The following RAET1L variants were observed in gnomAD, a reference collection of about 807,000 sequenced individuals.
RAET1L encodes UL16-binding protein 6.
RAET1L carries 16 observed loss-of-function variants against 23.9 expected under a neutral mutation model. The observed-to-expected ratio is 0.67, with a 90% CI of 0.45 to 1.02. The LOEUF is 1.02. RAET1L is among the 50% of genes least tolerant of loss of function. The pLI is 0.00. For synonymous variants in RAET1L, 70 were observed against 111.2 expected (o/e 0.63, Z 2.33); for missense variants, 233 against 304.0 (o/e 0.77, Z 1.74).
chr6:150,019,363 G>A (rs1331684277), intron 4 of RAET1L, among the ~76,000 whole-genome samples: 3 of 152,088 alleles, frequency 2.0e-5, no homozygotes, highest in Admixed American at 1.3e-4. Flanking sequence ...AGTGGTGCCC[G>A]TGGAACCCCA....
At chr6:150,020,845 C>T in intron 3 of RAET1L, 60 bp downstream of exon 3, 4 of 1,595,770 alleles carry the variant, frequency 2.5e-6, no homozygotes, top group South Asian at 2.3e-5. Context: ...CAAGAACTAA[C>T]TTCTTGAGAT....
At chr6:150,021,543 C>T (rs951203043) in intron 2 of RAET1L, among the ~76,000 whole-genome samples, 1 of 147,480 alleles carries the variant, frequency 6.8e-6, no homozygotes, top group African/African-American at 2.5e-5. Context: ...TTGTGATCCG[C>T]CTACCTCAGC....
At chr6:150,020,482 TG>T (rs1779871703) in intron 3 of RAET1L, among the ~76,000 whole-genome samples, 2 of 151,796 alleles carry the variant, frequency 1.3e-5, no homozygotes, top group Admixed American at 1.3e-4. Flanking sequence ...CCTCCTGCTG[TG>T]GGGGAAGAGG....
At chr6:150,024,509 G>T (rs1779924024) in intron 1 of RAET1L, among the ~76,000 whole-genome samples, 1 of 151,580 alleles carries the variant, frequency 6.6e-6, no homozygotes, top group Non-Finnish European at 1.5e-5. Flanking sequence ...GCTGACCCCT[G>T]TCTACACAGT....
intron 2 of RAET1L, 32 bp from the exon 3 acceptor site, chr6:150,021,218 C>T (rs759625779): frequency 1.5e-5 from 24 of 1,586,964 alleles, no homozygotes; most frequent in Non-Finnish European, 2.0e-5. Context: ...CAGCTCTGAT[C>T]TTGACAAATT....
At chr6:150,024,572 C>T (rs142890503) in intron 1 of RAET1L, among the ~76,000 whole-genome samples, 1,990 of 151,352 alleles carry the variant, frequency 0.013, 88 homozygotes, top group Admixed American at 0.072. Flanking sequence ...CGGTCTGGGC[C>T]CCAAGGGCAG....
intron 4 of RAET1L, among the ~76,000 whole-genome samples, chr6:150,019,223 C>T (rs547826058): frequency 6.6e-6 from 1 of 152,220 alleles, no homozygotes; most frequent in African/African-American, 2.4e-5. Context: ...GTGCCCTTGG[C>T]CTTTGGTGGG....
chr6:150,021,841 C>G (rs571096803), intron 2 of RAET1L, 139 bp downstream of exon 2: 54 of 1,252,096 alleles, frequency 4.3e-5, no homozygotes, highest in Non-Finnish European at 6.0e-5. Flanking sequence ...ATCGGCCCAC[C>G]TCTACCTCAC....
In RAET1L at chr6:150,020,938, C is replaced by A; in HGVS notation, c.598G>T (p.Gly200Cys). Reference protein sequence around the residue: ...CIGWLEDFLMGMDSTLEPSAG... With the variant: ...CIGWLEDFLMCMDSTLEPSAG... ...CTTGGCTCCAGGGTGCTGTCCATGCCCATCAAGAAGTCCTCAAGCCATCCT... is the reference window on the plus strand; with the variant it reads ...CTTGGCTCCAGGGTGCTGTCCATGCACATCAAGAAGTCCTCAAGCCATCCT... Residue 200 changes from glycine to cysteine, a missense_variant, in exon 3 of 5, where the codon GGC becomes TGC. By Grantham distance (159) the Gly-to-Cys change is radical. This residue lies in a region of RAET1L where 139 missense variants were observed against 125.3 expected (regional missense o/e 1.11). Coordinates refer to ENST00000367341, the MANE Select transcript of RAET1L (RefSeq NM_130900.3). 6.2e-7 allele frequency: 1 copy of A among 1,614,112 alleles called. No individual in the cohort carries two copies. Among genetic ancestry groups the A allele is most frequent in the Non-Finnish European group, 8.5e-7 (1 of 1,180,028 alleles).
chr6:150,024,007 G>C (rs1254180557), intron 1 of RAET1L, among the ~76,000 whole-genome samples: 2 of 152,094 alleles, frequency 1.3e-5, no homozygotes, highest in African/African-American at 2.4e-5. Context: ...GGTTCTTCTG[G>C]GATGGGCAGG....
At position 150,022,074 on chromosome 6, in the gene RAET1L, C is replaced by T. The variant is rs202191913; in HGVS notation, c.255G>A (p.Met85Ile). The T allele has an allele frequency of 1.8e-5, 26 of 1,473,298 alleles. No homozygotes were observed. Among genetic ancestry groups the T allele is most frequent in the East Asian group, 4.5e-5 (2 of 44,390 alleles). The allele number at this position is 1,473,298 out of a possible 1,614,324, so 91.3% of individuals were successfully genotyped here. A position where few individuals can be genotyped will look rare whatever the true frequency, so the allele number is the denominator to read the frequency against. The change falls in exon 2 of 5, where the codon ATG becomes ATA. Residue 85 changes from methionine (M) to isoleucine (I), a missense_variant. Around this residue, in one of 4 missense-constraint regions of RAET1L, gnomAD observed 44 missense variants for 107.4 expected, o/e 0.41. Coordinates refer to ENST00000367341, the MANE Select transcript of RAET1L (RefSeq NM_130900.3). Reference sequence around the variant, plus strand: ...GTACTGGGTTCTGTGCTTTCCAGGCCATTGTGACATTTAGTTTCTTCCCCA... The same window carrying T: ...GTACTGGGTTCTGTGCTTTCCAGGCTATTGTGACATTTAGTTTCTTCCCCA... ...SPLGKKLNVT[M>I]AWKAQNPVLR...
At position 150,021,004 on chromosome 6, in the gene RAET1L, C is replaced by T; in HGVS notation, c.532G>A (p.Val178Met). 2 of 1,614,218 alleles carry T rather than the reference C, an allele frequency of 1.2e-6. No individual in the cohort carries two copies. The highest frequency in any genetic ancestry group is 1.7e-6 in the Non-Finnish European group (2 of 1,180,034). Residue 178 changes from valine (V) to methionine (M), a missense_variant, in exon 3 of 5, where the codon GTG becomes ATG. Val to Met is a conservative substitution (Grantham distance 21). Around this residue, in one of 4 missense-constraint regions of RAET1L, gnomAD observed 139 missense variants for 125.3 expected, o/e 1.11. Transcript: ENST00000367341. Reference sequence around the variant, plus strand: ...GAGATGTAATGGAAGGACATGGCCACATCCTTGTCATTCTCCCACTTTTCT... The same window carrying T: ...GAGATGTAATGGAAGGACATGGCCATATCCTTGTCATTCTCCCACTTTTCT... ...MKEKWENDKD[V>M]AMSFHYISMG...
chr6:150,023,842 G>T (rs1005076067), intron 1 of RAET1L, among the ~76,000 whole-genome samples: 3 of 152,154 alleles, frequency 2.0e-5, no homozygotes, highest in African/African-American at 7.2e-5. Context: ...GGGGCCTTTT[G>T]CCATGCATAT....
At position 150,023,553 on chromosome 6, in the gene RAET1L, A is replaced by G. The variant is rs184815569; in HGVS notation, c.86-1310T>C. Among the ~76,000 whole-genome samples, 127 of 152,354 alleles carry G rather than the reference A, an allele frequency of 8.3e-4. 3 individuals carry two copies. In the East Asian group the frequency reaches 0.019, roughly 23 times the overall value. ...ATTTTGTAAACATGTAAAGGTGTTC[A>G]GGGAATATATTCTCCATTGTAACTA... On this transcript the variant is annotated intron_variant, in intron 1 of 4. Transcript: ENST00000367341.
chr6:150,021,584 C>T (rs982584930), intron 2 of RAET1L, among the ~76,000 whole-genome samples: 3 of 140,906 alleles, frequency 2.1e-5, no homozygotes, highest in Non-Finnish European at 4.6e-5. Context: ...CAGGCTTGAG[C>T]CACTGCACCT....
At chr6:150,024,327 C>A (rs60619591) in intron 1 of RAET1L, among the ~76,000 whole-genome samples, 20 of 152,252 alleles carry the variant, frequency 1.3e-4, no homozygotes, top group African/African-American at 4.8e-4. Flanking sequence ...ACACTGTAAT[C>A]CCCTGATCTG....
intron 3 of RAET1L, 135 bp from the exon 4 acceptor site, chr6:150,020,374 G>T (rs963318387): frequency 4.0e-5 from 61 of 1,526,858 alleles, no homozygotes; most frequent in Non-Finnish European, 8.9e-6. Context: ...GGGGCAGCCA[G>T]TATGACAGGT....
intron 1 of RAET1L, among the ~76,000 whole-genome samples, chr6:150,022,978 C>T (rs1303725601): frequency 8.5e-6 from 1 of 117,338 alleles, no homozygotes; most frequent in African/African-American, 3.3e-5. Flanking sequence ...ATAAAGAAGG[C>T]CCCATGAGAA....
chr6:150,019,388 G>C (rs1178702459), intron 4 of RAET1L, among the ~76,000 whole-genome samples: 2 of 152,156 alleles, frequency 1.3e-5, no homozygotes, highest in South Asian at 2.1e-4. Flanking sequence ...CAGCTCAGAT[G>C]CTCCTTCCTC....
Sources: gnomAD v4.1 joint callset for allele counts (sites outside exome capture counted in the v4.1 genomes callset) on GRCh38, gnomAD v4.1.1 for gene constraint, gnomAD v4.1.1 regional missense constraint, MANE v1.5 for transcripts, NCBI Gene and HGNC (gene_info 2026-07-23, HGNC 2026-07-21) for gene names.